HCN1: variants seen among roughly 807,000 people sequenced by gnomAD.
HCN1 encodes hyperpolarization activated cyclic nucleotide gated potassium channel 1, also known as potassium/sodium hyperpolarization-activated cyclic nucleotide-gated channel 1.
HCN1 carries 13 observed loss-of-function variants against 78.9 expected under a neutral mutation model. The observed-to-expected ratio is 0.16, with a 90% confidence interval of 0.11 to 0.26. The LOEUF is 0.26. Ranked by LOEUF, HCN1 falls within the 10% of genes least tolerant of loss-of-function variation. The pLI is 1.00. For missense variants in HCN1, 810 were observed against 1,154.3 expected (o/e 0.70, Z 4.32); for synonymous variants, 552 against 455.5 (o/e 1.21, Z -2.70).
chr5:45,359,414 A>ATATAT (rs556926268), intron 4 of HCN1, among the ~76,000 whole-genome samples: 4 of 145,248 alleles, frequency 2.8e-5, no homozygotes, highest in African/African-American at 7.9e-5. Context: ...CAAAAAAAAA[A>ATATAT]AAATATATAT....
chr5:45,344,127 G>A (rs756916860), intron 5 of HCN1, among the ~76,000 whole-genome samples: 1 of 152,050 alleles, frequency 6.6e-6, no homozygotes, highest in African/African-American at 2.4e-5. Flanking sequence ...TCACAAGATG[G>A]CAGCAAGGAG....
chr5:45,278,642 A>G (rs1176152112), intron 6 of HCN1, among the ~76,000 whole-genome samples: 1 of 152,182 alleles, frequency 6.6e-6, no homozygotes, highest in Admixed American at 6.5e-5. Context: ...GATAAGAAAT[A>G]CTAATCCACA....
intron 2 of HCN1, among the ~76,000 whole-genome samples, chr5:45,634,839 G>A (rs986455841): frequency 2.6e-5 from 4 of 152,018 alleles, no homozygotes; most frequent in African/African-American, 9.7e-5. Context: ...TTCATTGCCA[G>A]TTAACTGAAA....
intron 3 of HCN1, among the ~76,000 whole-genome samples, chr5:45,458,262 T>A (rs2111616754): frequency 6.6e-6 from 1 of 152,042 alleles, no homozygotes; most frequent in East Asian, 1.9e-4. Flanking sequence ...AAATATATAG[T>A]AATTAATATT....
At chr5:45,304,278 C>T (rs1471847720) in intron 5 of HCN1, among the ~76,000 whole-genome samples, 6 of 148,152 alleles carry the variant, frequency 4.0e-5, no homozygotes, top group Non-Finnish European at 7.4e-5. Flanking sequence ...GCCCAGCTAC[C>T]AGACAAAAAC....
chr5:45,673,589 T>C (rs1746199940), intron 1 of HCN1, among the ~76,000 whole-genome samples: 1 of 151,640 alleles, frequency 6.6e-6, no homozygotes, highest in Admixed American at 6.6e-5. Context: ...GCTCTTTAGA[T>C]TATCTTTTCA....
At chr5:45,359,404 CAAAA>C (rs71000628) in intron 4 of HCN1, among the ~76,000 whole-genome samples, 3 of 143,146 alleles carry the variant, frequency 2.1e-5, no homozygotes, top group South Asian at 2.2e-4. Context: ...CAGGAAGCAT[CAAAA>C]AAAAAAAAAT....
At chr5:45,368,943 T>C (rs1014844528) in intron 4 of HCN1, among the ~76,000 whole-genome samples, 5 of 152,042 alleles carry the variant, frequency 3.3e-5, no homozygotes, top group Non-Finnish European at 7.4e-5. Flanking sequence ...TTAGAATGTT[T>C]CCATCCGTTC....
At chr5:45,529,382 TAAAC>T (rs1317287237) in intron 2 of HCN1, among the ~76,000 whole-genome samples, 1 of 152,042 alleles carries the variant, frequency 6.6e-6, no homozygotes, top group Non-Finnish European at 1.5e-5. Flanking sequence ...ATGATTTCAT[TAAAC>T]AATTAAGAAG....
chr5:45,297,749 C>A (rs945039645), intron 6 of HCN1, among the ~76,000 whole-genome samples: 1 of 151,976 alleles, frequency 6.6e-6, no homozygotes, highest in African/African-American at 2.4e-5. Context: ...TACATTTTCA[C>A]ATTTTGATGC....
In HCN1 at chr5:45,313,174, G is replaced by A. The variant is rs557105167; in HGVS notation, c.1378-9335C>T. ...GTACCCCTCTGAGATGAAGCTTCCAGAGGAATGATCAGGCAGCAACATTTG... is the reference window on the plus strand; with the variant it reads ...GTACCCCTCTGAGATGAAGCTTCCAAAGGAATGATCAGGCAGCAACATTTG... On this transcript the variant is annotated intron_variant, in intron 5 of 7. Coordinates refer to ENST00000303230, the MANE Select transcript of HCN1 (RefSeq NM_021072.4). 2.0e-5 allele frequency among the ~76,000 whole-genome samples: 3 copies of A among 152,290 alleles called. No homozygotes were observed. In the South Asian group the frequency reaches 6.2e-4, roughly 32 times the overall value.
intron 2 of HCN1, among the ~76,000 whole-genome samples, chr5:45,604,080 C>A (rs188384991): frequency 6.6e-6 from 1 of 152,084 alleles, no homozygotes; most frequent in East Asian, 1.9e-4. Flanking sequence ...CAAATGAATT[C>A]AAAACTCAAG....
chr5:45,300,352 G>A (rs1461514319), intron 6 of HCN1, among the ~76,000 whole-genome samples: 15 of 151,834 alleles, frequency 9.9e-5, no homozygotes, highest in Non-Finnish European at 8.8e-5. Flanking sequence ...TTCTGCCTCT[G>A]CCACCCAAGA....
chr5:45,674,756 A>G (rs1306526990), intron 1 of HCN1, among the ~76,000 whole-genome samples: 1 of 151,694 alleles, frequency 6.6e-6, no homozygotes, highest in Non-Finnish European at 1.5e-5. Context: ...TAAAATAAGA[A>G]AGTATAGAAT....
intron 5 of HCN1, among the ~76,000 whole-genome samples, chr5:45,318,178 A>G (rs931814856): frequency 2.8e-4 from 43 of 152,316 alleles, no homozygotes; most frequent in Admixed American, 4.6e-4. Flanking sequence ...ACGTCCATCA[A>G]TGATAGACTG....
At chr5:45,528,990 C>T (rs1742790447) in intron 2 of HCN1, among the ~76,000 whole-genome samples, 1 of 151,958 alleles carries the variant, frequency 6.6e-6, no homozygotes, top group Non-Finnish European at 1.5e-5. Context: ...ATATCCTACT[C>T]TTATGATGAA....
intron 6 of HCN1, among the ~76,000 whole-genome samples, chr5:45,301,722 T>TAAAAA (rs34604835): frequency 1.5e-5 from 2 of 130,250 alleles, no homozygotes; most frequent in East Asian, 2.2e-4. Flanking sequence ...CCCTGTCATT[T>TAAAAA]AAAAAAAAAA....
intron 2 of HCN1, among the ~76,000 whole-genome samples, chr5:45,547,171 C>G (rs1020792967): frequency 1.3e-5 from 2 of 151,824 alleles, no homozygotes; most frequent in African/African-American, 2.4e-5. Flanking sequence ...TTTAATAGAT[C>G]CTTCATGATA....
intron 1 of HCN1, among the ~76,000 whole-genome samples, chr5:45,648,228 C>A (rs773374553): frequency 1.3e-5 from 2 of 152,152 alleles, no homozygotes. Context: ...CTACAGACAT[C>A]TTTGCATTTC....
Sources: allele counts gnomAD v4.1 joint callset (sites outside exome capture counted in the v4.1 genomes callset), GRCh38; gene constraint gnomAD v4.1.1; transcripts MANE v1.5; gene names NCBI Gene and HGNC (gene_info 2026-07-23, HGNC 2026-07-21).